Variants in DARS1 observed in about 807,000 individuals in gnomAD.
DARS1 encodes the protein aspartyl-tRNA synthetase 1, also known as aspartate--tRNA ligase, cytoplasmic.
In DARS1, 51 loss-of-function variants were observed where a neutral mutation model predicts 68.8. The observed-to-expected ratio is 0.74, with a 90% confidence interval of 0.59 to 0.94. The LOEUF is 0.94. DARS1 is among the 40% of genes least tolerant of loss of function. The probability of loss-of-function intolerance (pLI) is 0.00; values close to 1 mark genes in which losing one functional copy is unlikely to be tolerated. For synonymous variants in DARS1, 203 were observed against 190.4 expected (o/e 1.07, Z -0.55); for missense variants, 607 against 597.3 (o/e 1.02, Z -0.17).
At chr2:135,961,910 C>T (rs149021354) in intron 3 of DARS1, among the ~76,000 whole-genome samples, 4 of 152,336 alleles carry the variant, frequency 2.6e-5, no homozygotes, top group Admixed American at 2.6e-4. Flanking sequence ...AGTTTCAATA[C>T]TGCAACCACA....
At chr2:135,912,009 G>A (rs1318101459) in intron 13 of DARS1, among the ~76,000 whole-genome samples, 1 of 152,028 alleles carries the variant, frequency 6.6e-6, no homozygotes, top group Non-Finnish European at 1.5e-5. Context: ...CAACTAATGA[G>A]AAATTCTGCC....
chr2:135,966,578 G>A (rs1229634057), intron 3 of DARS1, among the ~76,000 whole-genome samples: 1 of 152,202 alleles, frequency 6.6e-6, no homozygotes, highest in Non-Finnish European at 1.5e-5. Flanking sequence ...TTGCTCTGTT[G>A]TCCAGGCTGG....
At chr2:135,948,726 C>T (rs185707259) in intron 4 of DARS1, among the ~76,000 whole-genome samples, 1 of 151,966 alleles carries the variant, frequency 6.6e-6, no homozygotes, top group Non-Finnish European at 1.5e-5. Flanking sequence ...AAAAATTTAG[C>T]TGGGCGTGGT....
At chr2:135,947,067 C>A (rs1681740477) in intron 4 of DARS1, among the ~76,000 whole-genome samples, 1 of 145,464 alleles carries the variant, frequency 6.9e-6, no homozygotes, top group Non-Finnish European at 1.5e-5. Context: ...CAGGCGTGAG[C>A]CACCATGCCT....
intron 15 of DARS1, among the ~76,000 whole-genome samples, chr2:135,909,014 T>G (rs1680844593): frequency 6.6e-6 from 1 of 151,974 alleles, no homozygotes; most frequent in African/African-American, 2.4e-5. Context: ...GCCATTATCC[T>G]CAGCAAACTA....
intron 4 of DARS1, among the ~76,000 whole-genome samples, chr2:135,959,817 A>C (rs1455570203): frequency 6.6e-6 from 1 of 152,188 alleles, no homozygotes; most frequent in African/African-American, 2.4e-5. Context: ...CGAGGTTATA[A>C]TGCAGTTTAA....
chr2:135,931,740 T>C (rs1254366796), intron 7 of DARS1, among the ~76,000 whole-genome samples: 2 of 152,228 alleles, frequency 1.3e-5, no homozygotes, highest in African/African-American at 4.8e-5. Flanking sequence ...CCTGTATATG[T>C]CCTATCTAGC....
chr2:135,934,341 G>C (rs554539247), intron 5 of DARS1, among the ~76,000 whole-genome samples: 1 of 152,256 alleles, frequency 6.6e-6, no homozygotes, highest in Admixed American at 6.5e-5. Flanking sequence ...TATGGTTAGG[G>C]GTTGGTGCTG....
intron 3 of DARS1, among the ~76,000 whole-genome samples, chr2:135,975,168 C>T (rs1682466987): frequency 6.6e-6 from 1 of 151,558 alleles, no homozygotes; most frequent in East Asian, 2.0e-4. Context: ...CATAGTGAAA[C>T]CCCGTCTCTA....
intron 5 of DARS1, among the ~76,000 whole-genome samples, chr2:135,938,526 C>T (rs1458755429): frequency 6.6e-6 from 1 of 152,174 alleles, no homozygotes; most frequent in African/African-American, 2.4e-5. Context: ...AGCTTTGTTG[C>T]GTTGCTGGCG....
At chr2:135,934,076 C>T (rs1681413864) in intron 5 of DARS1, 86 bp from the exon 6 acceptor site, 8 of 1,524,626 alleles carry the variant, frequency 5.2e-6, no homozygotes, top group Admixed American at 2.0e-5. Flanking sequence ...TTGACTTAAG[C>T]ATGAAGCAAT....
At chr2:135,970,089 A>G (rs1200622178) in intron 3 of DARS1, among the ~76,000 whole-genome samples, 1 of 152,096 alleles carries the variant, frequency 6.6e-6, no homozygotes, top group Non-Finnish European at 1.5e-5. Context: ...TTAAAAGGCA[A>G]AAGCAAGCTG....
At chr2:135,936,541 G>C (rs188825295) in intron 5 of DARS1, among the ~76,000 whole-genome samples, 1 of 152,280 alleles carries the variant, frequency 6.6e-6, no homozygotes, top group East Asian at 1.9e-4. Context: ...GATTGCAGGT[G>C]TGAGCCACCA....
chr2:135,976,833 CA>C (rs1682512409), intron 3 of DARS1, among the ~76,000 whole-genome samples: 1 of 150,496 alleles, frequency 6.6e-6, no homozygotes, highest in Admixed American at 6.6e-5. Context: ...CAGTCCCAAG[CA>C]TTCTGGATAA....
At chr2:135,948,756 A>T (rs1255758110) in intron 4 of DARS1, among the ~76,000 whole-genome samples, 4 of 152,052 alleles carry the variant, frequency 2.6e-5, no homozygotes, top group African/African-American at 9.7e-5. Flanking sequence ...CTGTAGTCCT[A>T]GATACTCGGG....
intron 7 of DARS1, among the ~76,000 whole-genome samples, chr2:135,928,063 A>C (rs1681263214): frequency 6.6e-6 from 1 of 152,242 alleles, no homozygotes. Flanking sequence ...AAATTCAAAC[A>C]AACCCAAACT....
At chr2:135,961,797 T>C (rs977451134) in intron 3 of DARS1, among the ~76,000 whole-genome samples, 1 of 152,248 alleles carries the variant, frequency 6.6e-6, no homozygotes, top group Non-Finnish European at 1.5e-5. Context: ...TATTTTGTCA[T>C]TGCATTGATT....
chr2:135,967,668 T>A (rs1336024625), intron 3 of DARS1, among the ~76,000 whole-genome samples: 1 of 152,214 alleles, frequency 6.6e-6, no homozygotes, highest in East Asian at 1.9e-4. Flanking sequence ...TGTTTTTTTA[T>A]ACGAAGAGAC....
Position 135,979,235 on chromosome 2 carries a change from T to C in DARS1, c.217+39A>G, listed in dbSNP as rs1168656693. ...AATATGTAAGACAAAAAATTCGGAGTCCTTACCGAAAGAGCTTTAATAATG... is the reference window on the plus strand; with the variant it reads ...AATATGTAAGACAAAAAATTCGGAGCCCTTACCGAAAGAGCTTTAATAATG... On this transcript the variant is annotated intron_variant, in intron 3 of 15. Coordinates refer to ENST00000264161, the MANE Select transcript of DARS1 (RefSeq NM_001349.4). 5 of 891,482 alleles carry C rather than the reference T, an allele frequency of 5.6e-6. No individual in the cohort carries two copies. In the East Asian group the frequency reaches 1.2e-4, roughly 21 times the overall value. 55.2% of individuals were successfully genotyped at this position (891,482 alleles called of 1,614,324 possible). A position where few individuals can be genotyped will look rare whatever the true frequency, so the allele number is the denominator to read the frequency against.
Sources: allele counts gnomAD v4.1 joint callset (sites outside exome capture counted in the v4.1 genomes callset), GRCh38; gene constraint gnomAD v4.1.1; transcripts MANE v1.5; gene names NCBI Gene and HGNC (gene_info 2026-07-23, HGNC 2026-07-21).